Variants in FCHO2 observed in about 807,000 individuals in gnomAD.
FCHO2 encodes the protein F-BAR domain only protein 2.
FCHO2 carries 43 observed loss-of-function variants against 114.1 expected under a neutral mutation model. That is an observed-to-expected ratio of 0.38 (90% confidence interval 0.30 to 0.49). FCHO2 has a LOEUF of 0.49. Ranked by LOEUF, FCHO2 falls within the 20% of genes least tolerant of loss-of-function variation. FCHO2 has a pLI of 0.97. For synonymous variants in FCHO2, 293 were observed against 315.2 expected (o/e 0.93, Z 0.75); for missense variants, 807 against 950.4 (o/e 0.85, Z 1.98).
intron 2 of FCHO2, among the ~76,000 whole-genome samples, chr5:72,980,755 A>G (rs1008825055): frequency 1.3e-5 from 2 of 152,166 alleles, no homozygotes; most frequent in Non-Finnish European, 2.9e-5. Context: ...ATCGAAGACT[A>G]GGATTGCAAC....
intron 5 of FCHO2, chr5:72,997,487 A>G: frequency 3.9e-6 from 6 of 1,526,432 alleles, no homozygotes; most frequent in Admixed American, 1.7e-5. Flanking sequence ...AGGGGTTTAC[A>G]GGAGCCATCC....
At chr5:73,019,440 G>T (rs953823023) in intron 8 of FCHO2, among the ~76,000 whole-genome samples, 3 of 152,124 alleles carry the variant, frequency 2.0e-5, no homozygotes, top group African/African-American at 7.2e-5. Flanking sequence ...TACTTGGGAG[G>T]CTGAGGCGGG....
At chr5:73,028,234 C>G (rs1756045635) in intron 8 of FCHO2, among the ~76,000 whole-genome samples, 1 of 151,968 alleles carries the variant, frequency 6.6e-6, no homozygotes, top group Non-Finnish European at 1.5e-5. Context: ...CAAATGCTAT[C>G]AAGGTTGTGG....
chr5:73,035,624 C>T (rs943528551), intron 9 of FCHO2, among the ~76,000 whole-genome samples: 1 of 151,886 alleles, frequency 6.6e-6, no homozygotes, highest in Non-Finnish European at 1.5e-5. Context: ...CACCTCAGCC[C>T]CAAAATTAGC....
Position 73,074,726 on chromosome 5 carries a change from A to C in FCHO2, c.1580-16A>C, listed in dbSNP as rs756667151. The C allele has an allele frequency of 4.4e-6, 7 of 1,600,042 alleles. No homozygotes were observed. The African/African-American group carries it at 9.4e-5, about 21-fold the overall frequency. ...TCTTTCTGAAGGATTTAACAAGTTA[A>C]TTGTGTATATTCTAGGTGTGTCACG... On this transcript the variant is annotated splice_polypyrimidine_tract_variant and intron_variant, in intron 19 of 25. Transcript: ENST00000430046.
intron 5 of FCHO2, chr5:72,997,768 T>C (rs1754203310): frequency 7.4e-7 from 1 of 1,348,810 alleles, no homozygotes. Flanking sequence ...CCAACCCCTC[T>C]CTGCCCTGGA....
chr5:73,003,329 T>G (rs1211107223), intron 5 of FCHO2, among the ~76,000 whole-genome samples: 1 of 152,104 alleles, frequency 6.6e-6, no homozygotes, highest in African/African-American at 2.4e-5. Flanking sequence ...TTAAAAATTT[T>G]TATTGTATTT....
At chr5:73,003,251 C>T (rs1490618000) in intron 5 of FCHO2, among the ~76,000 whole-genome samples, 4 of 152,088 alleles carry the variant, frequency 2.6e-5, no homozygotes, top group Admixed American at 2.0e-4. Flanking sequence ...TGGGCTCAAA[C>T]TATTCTCTGC....
At chr5:73,016,289 A>C (rs970452535) in intron 7 of FCHO2, among the ~76,000 whole-genome samples, 1 of 151,594 alleles carries the variant, frequency 6.6e-6, no homozygotes, top group Non-Finnish European at 1.5e-5. Context: ...TCTCTACACA[A>C]AATTTAAAAA....
chr5:72,991,688 T>G (rs1254475258), intron 5 of FCHO2, among the ~76,000 whole-genome samples: 2 of 152,206 alleles, frequency 1.3e-5, no homozygotes, highest in Non-Finnish European at 2.9e-5. Flanking sequence ...ATGTGGTATA[T>G]CTCACTTAAG....
intron 1 of FCHO2, among the ~76,000 whole-genome samples, chr5:72,966,254 T>C (rs1752195605): frequency 6.6e-6 from 1 of 152,220 alleles, no homozygotes; most frequent in South Asian, 2.1e-4. Flanking sequence ...TCCAGGTTTT[T>C]TATTTTTAGT....
chr5:72,978,692 T>G (rs1488394040), intron 2 of FCHO2, among the ~76,000 whole-genome samples: 2 of 152,216 alleles, frequency 1.3e-5, no homozygotes, highest in Non-Finnish European at 1.5e-5. Context: ...GTGATGGATT[T>G]CAAAGGGAAT....
At position 73,071,971 on chromosome 5, in the gene FCHO2, G is replaced by A. The variant is rs570766110; in HGVS notation, c.1580-2771G>A. Among the ~76,000 whole-genome samples the A allele has an allele frequency of 3.3e-5, 5 of 151,864 alleles. No homozygotes were observed. In the South Asian group the frequency reaches 1.0e-3, roughly 32 times the overall value. ...AATTTTTAGTGTCAAAGCAGTAGTA[G>A]ACATTAATGTTACCATTGACTTTAT... is the stretch of plus-strand genomic sequence containing the variant. On this transcript the variant is annotated intron_variant, in intron 19 of 25. Transcript: ENST00000430046.
At chr5:73,035,650 A>G (rs1756460217) in intron 9 of FCHO2, among the ~76,000 whole-genome samples, 1 of 151,940 alleles carries the variant, frequency 6.6e-6, no homozygotes, top group African/African-American at 2.4e-5. Flanking sequence ...CTACAGGTAT[A>G]TGCCATCATG....
chr5:73,020,196 G>T (rs944938280), intron 8 of FCHO2, among the ~76,000 whole-genome samples: 3 of 152,332 alleles, frequency 2.0e-5, no homozygotes, highest in African/African-American at 7.2e-5. Flanking sequence ...GAACAGATTA[G>T]ATTTTGAGGC....
Position 73,088,177 on chromosome 5 carries a change from A to G in FCHO2, c.*87A>G. ...CTTTCCAAACACTATTTTAACTTGTATGATGTCTTTCAAACTTAGACATAT... is the reference window on the plus strand; with the variant it reads ...CTTTCCAAACACTATTTTAACTTGTGTGATGTCTTTCAAACTTAGACATAT... On this transcript the variant is annotated 3_prime_UTR_variant, in exon 26 of 26. Coordinates refer to ENST00000430046, the MANE Select transcript of FCHO2 (RefSeq NM_138782.3). The G allele has an allele frequency of 6.5e-7, 1 of 1,546,014 alleles. No individual in the cohort carries two copies. The highest frequency in any genetic ancestry group is 8.8e-7 in the Non-Finnish European group (1 of 1,131,646).
At position 73,081,998 on chromosome 5, in the gene FCHO2, G is replaced by T. The variant is rs1391581746; in HGVS notation, c.2180+16G>T. 1 of 1,414,472 alleles carries T rather than the reference G, an allele frequency of 7.1e-7. No homozygotes were observed. The highest frequency in any genetic ancestry group is 1.5e-5 in the African/African-American group (1 of 68,458). 87.6% of individuals were successfully genotyped at this position (1,414,472 alleles called of 1,614,324 possible). A position where few individuals can be genotyped will look rare whatever the true frequency, so the allele number is the denominator to read the frequency against. ...CTGCAATATGGTAAATTAAACATAC[G>T]TTTCTGAATTCCCACTAAATTTTTG... On this transcript the variant is annotated intron_variant, in intron 23 of 25. Transcript: ENST00000430046.
intron 18 of FCHO2, 98 bp downstream of exon 18, chr5:73,064,042 T>G (rs1757959093): frequency 1.7e-6 from 2 of 1,144,464 alleles, no homozygotes; most frequent in Non-Finnish European, 2.5e-6. Context: ...TGCTTGAAGT[T>G]TTCTACCCAT....
Position 73,063,935 on chromosome 5 carries a change from T to C in FCHO2, c.1440T>C (p.Ile480=). 1.9e-6 allele frequency: 3 copies of C among 1,609,266 alleles called. No homozygotes were observed. The highest frequency in any genetic ancestry group is 2.5e-6 in the Non-Finnish European group (3 of 1,177,390). ...TTACTTCAGGCAAACTCAGTGGGATTAATGAAATAGTATGTACTCAGGTTT... is the reference window on the plus strand; with the variant it reads ...TTACTTCAGGCAAACTCAGTGGGATCAATGAAATAGTATGTACTCAGGTTT... ...PKLTSGKLSG[I]NEIPRPFSPP... is the part of the protein sequence containing the mutation. Residue 480 remains isoleucine (I), a synonymous_variant, in exon 18 of 26, where the codon ATT becomes ATC. Transcript: ENST00000430046.
Sources: gnomAD v4.1 joint callset for allele counts (sites outside exome capture counted in the v4.1 genomes callset) on GRCh38, gnomAD v4.1.1 for gene constraint, MANE v1.5 for transcripts, NCBI Gene and HGNC (gene_info 2026-07-23, HGNC 2026-07-21) for gene names.